METTL15: variants seen among roughly 807,000 people sequenced by gnomAD.
The protein encoded by METTL15 is methyltransferase 15, mitochondrial 12S rRNA N4-cytidine, also known as 12S rRNA N(4)-cytidine methyltransferase METTL15.
Under a neutral mutation model 38.3 loss-of-function variants are expected in METTL15, and 34 were observed. The observed-to-expected ratio is 0.89, with a 90% CI of 0.68 to 1.18. The LOEUF is 1.18. METTL15 is among the 50% of genes most tolerant of loss of function. The pLI is 0.00. For synonymous variants in METTL15, 162 were observed against 170.9 expected, an observed-to-expected ratio of 0.95 and a Z score of 0.41; for missense variants, 438 against 498.4, an observed-to-expected ratio of 0.88 and a Z score of 1.15.
chr11:28,462,591 C>G (rs1851225514), intron 6 of METTL15, among the ~76,000 whole-genome samples: 1 of 151,780 alleles, frequency 6.6e-6, no homozygotes, highest in Admixed American at 6.6e-5. Flanking sequence ...ACAAAAAATA[C>G]AGGAAGTGGG....
chr11:28,115,240 T>G (rs1259499911), intron 3 of METTL15, among the ~76,000 whole-genome samples: 1 of 152,084 alleles, frequency 6.6e-6, no homozygotes, highest in Non-Finnish European at 1.5e-5. Context: ...ACATATTTCT[T>G]TTTTTCTTTT....
chr11:28,431,547 A>G (rs1219798648), intron 6 of METTL15, among the ~76,000 whole-genome samples: 1 of 67,484 alleles, frequency 1.5e-5, no homozygotes, highest in Non-Finnish European at 3.1e-5. Flanking sequence ...AGGGCGGTGC[A>G]AGATGTGCTT....
At chr11:28,219,731 A>G (rs1853098495) in intron 4 of METTL15, among the ~76,000 whole-genome samples, 1 of 151,578 alleles carries the variant, frequency 6.6e-6, no homozygotes, top group Non-Finnish European at 1.5e-5. Context: ...CACTGCTTTA[A>G]ATGTGTCCCA....
Position 28,260,040 on chromosome 11 carries a change from C to G in METTL15, c.408-30166C>G, listed in dbSNP as rs529527288. 2.6e-5 allele frequency among the ~76,000 whole-genome samples: 4 copies of G among 152,306 alleles called. No homozygotes were observed. In the East Asian group the frequency reaches 5.8e-4, roughly 22 times the overall value. On this transcript the variant is annotated intron_variant, in intron 4 of 6. Transcript: ENST00000407364. Reference sequence around the variant, plus strand: ...GCTGTAAATTTAGTAAAACTGCCATCATCTGTAGCCTGGCTTACTGCAAAA... The same window carrying G: ...GCTGTAAATTTAGTAAAACTGCCATGATCTGTAGCCTGGCTTACTGCAAAA...
intron 3 of METTL15, among the ~76,000 whole-genome samples, chr11:28,199,502 A>ATT (rs1852028283): frequency 1.3e-5 from 2 of 152,112 alleles, no homozygotes; most frequent in South Asian, 4.1e-4. Context: ...AAATGCCTGT[A>ATT]TTTTTTAACG....
chr11:28,260,625 C>G (rs1038880767), intron 4 of METTL15, among the ~76,000 whole-genome samples: 4 of 152,152 alleles, frequency 2.6e-5, no homozygotes, highest in African/African-American at 4.8e-5. Context: ...CCCCCAGTCT[C>G]TCTACAGTTG....
intron 3 of METTL15, among the ~76,000 whole-genome samples, chr11:28,149,853 T>C (rs1226701689): frequency 1.3e-5 from 2 of 151,966 alleles, no homozygotes; most frequent in African/African-American, 4.8e-5. Flanking sequence ...ATTTCTCAAA[T>C]TGAGAGTCAA....
Position 28,294,716 on chromosome 11 carries a change from C to A in METTL15, c.600-2037C>A, listed in dbSNP as rs181906135. 2.0e-5 allele frequency among the ~76,000 whole-genome samples: 3 copies of A among 152,194 alleles called. No homozygotes were observed. In the East Asian group the frequency reaches 5.8e-4, roughly 29 times the overall value. On this transcript the variant is annotated intron_variant, in intron 5 of 6. Coordinates refer to ENST00000407364, the MANE Select transcript of METTL15 (RefSeq NM_001113528.2). ...AGCTCTTGGATCTTGACTCCTTGAC[C>A]ACATGAATGCCTATTCTGAAGCTGT...
intron 3 of METTL15, among the ~76,000 whole-genome samples, chr11:28,151,615 C>T (rs11030228): frequency 1.3e-4 from 19 of 151,798 alleles, no homozygotes; most frequent in Non-Finnish European, 2.9e-5. Flanking sequence ...TTGCACTGTT[C>T]ACTACCCTGT....
rs187081317 is a variant in METTL15 at position 28,523,243 on chromosome 11, C to A, written c.*425-3235C>A. On this transcript the variant is annotated intron_variant and NMD_transcript_variant, in intron 6 of 7. Coordinates refer to the METTL15 transcript ENST00000532947. ...ACATAAGTAGTCTGTATTTTCCATC[C>A]CAAATACAAACACATTTTCAGTTGG... Among the ~76,000 whole-genome samples, 21 of 152,216 alleles carry A rather than the reference C, an allele frequency of 1.4e-4. 1 individual carries two copies. The highest frequency in any genetic ancestry group is 8.5e-4 in the Admixed American group (13 of 15,288).
chr11:28,506,644 G>A (rs1484511200), intron 6 of METTL15, among the ~76,000 whole-genome samples: 2 of 150,950 alleles, frequency 1.3e-5, no homozygotes, highest in Non-Finnish European at 2.9e-5. Context: ...TGACTTCCTA[G>A]TTGTAACTGT....
chr11:28,183,218 C>T (rs1368552347), intron 3 of METTL15, among the ~76,000 whole-genome samples: 1 of 152,048 alleles, frequency 6.6e-6, no homozygotes, highest in Non-Finnish European at 1.5e-5. Flanking sequence ...GACAACATGA[C>T]TTCCTCTCTT....
chr11:28,412,775 A>C (rs1009884609), intron 5 of METTL15, among the ~76,000 whole-genome samples: 1 of 152,020 alleles, frequency 6.6e-6, no homozygotes, highest in Non-Finnish European at 1.5e-5. Context: ...TTAGTTCAAG[A>C]ATATACAATA....
intron 3 of METTL15, among the ~76,000 whole-genome samples, chr11:28,119,185 A>G (rs1852102032): frequency 6.6e-6 from 1 of 152,224 alleles, no homozygotes; most frequent in Non-Finnish European, 1.5e-5. Flanking sequence ...TTAATAAGTC[A>G]TAATTATAAT....
intron 6 of METTL15, among the ~76,000 whole-genome samples, chr11:28,318,177 C>T (rs915569270): frequency 9.9e-5 from 15 of 152,090 alleles, no homozygotes; most frequent in African/African-American, 2.9e-4. Context: ...GTTTATGATA[C>T]GTCTTGATCT....
At chr11:28,466,647 G>A (rs1564939354) in intron 6 of METTL15, among the ~76,000 whole-genome samples, 1 of 152,084 alleles carries the variant, frequency 6.6e-6, no homozygotes. Flanking sequence ...CGGCTCCCTC[G>A]GTACATCACG....
At chr11:28,226,219 C>G (rs1461748655) in intron 4 of METTL15, among the ~76,000 whole-genome samples, 10 of 151,864 alleles carry the variant, frequency 6.6e-5, no homozygotes, top group Non-Finnish European at 1.3e-4. Flanking sequence ...CATTCTTAAC[C>G]TTTTTCCTAA....
intron 3 of METTL15, among the ~76,000 whole-genome samples, chr11:28,204,746 G>A (rs1021547247): frequency 6.6e-6 from 1 of 151,730 alleles, no homozygotes; most frequent in Non-Finnish European, 1.5e-5. Context: ...ATGATATAAG[G>A]TAATCTTTAT....
intron 6 of METTL15, among the ~76,000 whole-genome samples, chr11:28,434,152 T>C (rs182851769): frequency 6.6e-6 from 1 of 152,162 alleles, no homozygotes; most frequent in Admixed American, 6.5e-5. Flanking sequence ...CTTGTGATAG[T>C]GAGTTAGTTC....
Sources: allele counts gnomAD v4.1 joint callset (sites outside exome capture counted in the v4.1 genomes callset), GRCh38; gene constraint gnomAD v4.1.1; transcripts MANE v1.5; gene names NCBI Gene and HGNC (gene_info 2026-07-23, HGNC 2026-07-21).